The following MAP2K1 variants were observed in gnomAD, a reference collection of about 807,000 sequenced individuals.
MAP2K1 encodes mitogen-activated protein kinase kinase 1.
Under a neutral mutation model 46.3 loss-of-function variants are expected in MAP2K1, and 16 were observed. The observed-to-expected ratio is 0.35, with a 90% CI of 0.23 to 0.52. MAP2K1 has a LOEUF of 0.52. MAP2K1 is among the 20% of genes least tolerant of loss of function. The pLI is 0.94. For synonymous variants in MAP2K1, 183 were observed against 185.6 expected (o/e 0.99, Z 0.11); for missense variants, 263 against 497.1 (o/e 0.53, Z 4.48).
At chr15:66,429,295 A>G (rs2093468264) in intron 1 of MAP2K1, among the ~76,000 whole-genome samples, 2 of 152,142 alleles carry the variant, frequency 1.3e-5, no homozygotes. Flanking sequence ...GAGAAGTGCC[A>G]GTAGGGGAAA....
At chr15:66,402,436 T>G (rs990824488) in intron 1 of MAP2K1, among the ~76,000 whole-genome samples, 8 of 152,244 alleles carry the variant, frequency 5.3e-5, no homozygotes, top group Admixed American at 5.2e-4. Context: ...GTCTTTATGA[T>G]ATTTTTATCT....
At chr15:66,405,282 G>A (rs1414848911) in intron 1 of MAP2K1, among the ~76,000 whole-genome samples, 1 of 152,044 alleles carries the variant, frequency 6.6e-6, no homozygotes, top group East Asian at 1.9e-4. Flanking sequence ...AGGGCTTTCT[G>A]GATCTTCACT....
At chr15:66,389,683 T>A (rs1248354192) in intron 1 of MAP2K1, among the ~76,000 whole-genome samples, 2 of 148,578 alleles carry the variant, frequency 1.3e-5, no homozygotes, top group African/African-American at 4.9e-5. Flanking sequence ...CAAGCGATTC[T>A]CCTGCCTCAG....
At chr15:66,438,244 G>A (rs1471650809) in intron 3 of MAP2K1, among the ~76,000 whole-genome samples, 3 of 151,458 alleles carry the variant, frequency 2.0e-5, no homozygotes, top group Non-Finnish European at 4.4e-5. Flanking sequence ...GCACCACCAC[G>A]CCCCGCTAAT....
chr15:66,420,755 G>GTA (rs2093436854), intron 1 of MAP2K1, among the ~76,000 whole-genome samples: 3 of 35,906 alleles, frequency 8.4e-5, no homozygotes, highest in Middle Eastern at 0.013. Context: ...GTGTGTGTGT[G>GTA]TGTGTATGTG....
At chr15:66,423,091 G>A (rs1238790312) in intron 1 of MAP2K1, among the ~76,000 whole-genome samples, 1 of 152,090 alleles carries the variant, frequency 6.6e-6, no homozygotes, top group South Asian at 2.1e-4. Context: ...ATGAGCCACC[G>A]TGCCCAGCCT....
chr15:66,487,184 A>C (rs758490740), intron 7 of MAP2K1, 44 bp from the exon 8 acceptor site: 33 of 1,544,068 alleles, frequency 2.1e-5, no homozygotes, highest in Non-Finnish European at 2.9e-5. Context: ...ATTAACAAGT[A>C]ATCTGTTTCT....
chr15:66,449,609 G>A (rs1040798357), intron 5 of MAP2K1, among the ~76,000 whole-genome samples: 21 of 152,176 alleles, frequency 1.4e-4, no homozygotes, highest in Non-Finnish European at 2.1e-4. Context: ...GGCTGGGTGC[G>A]GTGGCTCACG....
chr15:66,401,914 A>G (rs930146904), intron 1 of MAP2K1: 3 of 1,190,840 alleles, frequency 2.5e-6, no homozygotes, highest in Admixed American at 2.2e-5. Context: ...TGACGGGTGC[A>G]TCGGTTCGGG....
chr15:66,469,472 CTTTTTTTTTT>C (rs370379739), intron 5 of MAP2K1, among the ~76,000 whole-genome samples: 12 of 76,638 alleles, frequency 1.6e-4, no homozygotes, highest in East Asian at 8.6e-4. Context: ...CTGGTGCCTC[CTTTTTTTTTT>C]TTTTTTTTTT....
chr15:66,478,375 A>T (rs1337767163), intron 5 of MAP2K1, among the ~76,000 whole-genome samples: 9 of 121,586 alleles, frequency 7.4e-5, no homozygotes, highest in African/African-American at 2.8e-4. Context: ...ATATATGTTA[A>T]ATATATATAC....
chr15:66,393,861 G>A (rs1274429988), intron 1 of MAP2K1, among the ~76,000 whole-genome samples: 4 of 152,130 alleles, frequency 2.6e-5, no homozygotes, highest in African/African-American at 4.8e-5. Flanking sequence ...CCCCTCTGTT[G>A]AAATGTCTCT....
chr15:66,440,615 C>T (rs986297835), intron 3 of MAP2K1, among the ~76,000 whole-genome samples: 6 of 152,144 alleles, frequency 3.9e-5, no homozygotes, highest in South Asian at 2.1e-4. Context: ...CTGAGCCAAC[C>T]GGAGAACTAG....
intron 3 of MAP2K1, among the ~76,000 whole-genome samples, chr15:66,440,381 C>T (rs891438339): frequency 9.9e-5 from 15 of 152,172 alleles, no homozygotes; most frequent in Admixed American, 9.2e-4. Flanking sequence ...TGTGAGCCAC[C>T]ACGCCTGGCC....
chr15:66,428,991 G>T (rs1425691650), intron 1 of MAP2K1, among the ~76,000 whole-genome samples: 1 of 151,810 alleles, frequency 6.6e-6, no homozygotes, highest in East Asian at 1.9e-4. Flanking sequence ...TGTTGGCCAG[G>T]CTGGTCTCAA....
chr15:66,466,505 CCCATCT>C (rs1193800397), intron 5 of MAP2K1, among the ~76,000 whole-genome samples: 1 of 151,690 alleles, frequency 6.6e-6, no homozygotes, highest in African/African-American at 2.4e-5. Context: ...ATGGTGAAAC[CCCATCT>C]CTACTAAAAA....
At chr15:66,486,319 G>A (rs1010006200) in intron 7 of MAP2K1, among the ~76,000 whole-genome samples, 1 of 152,134 alleles carries the variant, frequency 6.6e-6, no homozygotes, top group Admixed American at 6.5e-5. Context: ...TCCATGTTGT[G>A]CAGCCATCAC....
intron 9 of MAP2K1, 56 bp from the exon 10 acceptor site, chr15:66,489,658 GTTAT>G (rs1893173360): frequency 1.6e-6 from 2 of 1,289,306 alleles, no homozygotes; most frequent in Non-Finnish European, 2.3e-6. Flanking sequence ...ATGCAAACAT[GTTAT>G]TTGAGCTAGA....
intron 1 of MAP2K1, among the ~76,000 whole-genome samples, chr15:66,392,255 GTTTTTTT>G (rs58831070): frequency 0.011 from 1,043 of 97,784 alleles, 40 homozygotes; most frequent in African/African-American, 0.045. Context: ...TTTTTTTTGG[GTTTTTTT>G]TTTTTTTTTT....
Sources: gnomAD v4.1 joint callset for allele counts (sites outside exome capture counted in the v4.1 genomes callset) on GRCh38, gnomAD v4.1.1 for gene constraint, MANE v1.5 for transcripts, NCBI Gene and HGNC (gene_info 2026-07-23, HGNC 2026-07-21) for gene names.